ZFYVE1: variants seen among roughly 807,000 people sequenced by gnomAD.
ZFYVE1 encodes zinc finger FYVE domain-containing protein 1.
A neutral mutation model predicts 74.4 loss-of-function variants in ZFYVE1; 30 were observed. The observed-to-expected ratio is 0.40, with a 90% CI of 0.30 to 0.55. The LOEUF is 0.55. Among genes scored for constraint, ZFYVE1 ranks in the 20% least tolerant of loss-of-function variants. The pLI is 0.42. For missense variants in ZFYVE1, 703 were observed against 1,011.6 expected (o/e 0.69, Z 4.14); for synonymous variants, 335 against 385.1 (o/e 0.87, Z 1.52).
chr14:73,023,390 ATGTG>A (rs386381753), intron 2 of ZFYVE1, among the ~76,000 whole-genome samples: 1 of 131,108 alleles, frequency 7.6e-6, no homozygotes, highest in Non-Finnish European at 1.6e-5. Context: ...TATATATTTT[ATGTG>A]TTTTATATAT....
intron 2 of ZFYVE1, among the ~76,000 whole-genome samples, chr14:73,004,396 G>T (rs1309652693): frequency 6.6e-6 from 1 of 152,012 alleles, no homozygotes; most frequent in African/African-American, 2.4e-5. Flanking sequence ...GTGGGGACGG[G>T]GGAACATTTA....
chr14:72,987,997 C>T (rs1893521347), intron 4 of ZFYVE1, among the ~76,000 whole-genome samples: 1 of 152,188 alleles, frequency 6.6e-6, no homozygotes, highest in African/African-American at 2.4e-5. Flanking sequence ...CTCTCACACA[C>T]ACACATATGT....
At chr14:73,020,330 G>A (rs545071125) in intron 2 of ZFYVE1, among the ~76,000 whole-genome samples, 1 of 151,522 alleles carries the variant, frequency 6.6e-6, no homozygotes, top group Non-Finnish European at 1.5e-5. Flanking sequence ...AAGGCATGCA[G>A]TTCACTGTTT....
chr14:73,001,199 T>C (rs1466528391), intron 2 of ZFYVE1, among the ~76,000 whole-genome samples: 1 of 151,400 alleles, frequency 6.6e-6, no homozygotes, highest in African/African-American at 2.4e-5. Context: ...TTTTTCACTA[T>C]ACTATTTCCC....
intron 2 of ZFYVE1, among the ~76,000 whole-genome samples, chr14:73,014,738 C>T (rs993931844): frequency 6.6e-6 from 1 of 152,168 alleles, no homozygotes; most frequent in African/African-American, 2.4e-5. Context: ...ATCTACTGAC[C>T]AGAATGAAGT....
At chr14:73,026,713 C>G (rs943367507) in intron 1 of ZFYVE1, among the ~76,000 whole-genome samples, 1 of 151,876 alleles carries the variant, frequency 6.6e-6, no homozygotes, top group East Asian at 1.9e-4. Flanking sequence ...GGGGCAGGAG[C>G]GGAGCCTAAG....
intron 2 of ZFYVE1, among the ~76,000 whole-genome samples, chr14:73,023,343 A>ATATATAATATATATTATATATGTTT (rs1894378036): frequency 2.0e-5 from 2 of 101,268 alleles, no homozygotes; most frequent in East Asian, 2.3e-4. Context: ...TATATGTTTT[A>ATATATAATATATATTATATATGTTT]TATATAATAT....
chr14:73,023,979 C>A, intron 2 of ZFYVE1, 47 bp downstream of exon 2: 1 of 1,577,780 alleles, frequency 6.3e-7, no homozygotes, highest in Non-Finnish European at 8.6e-7. Flanking sequence ...CTTCCAACAA[C>A]AGATCTGCTC....
In ZFYVE1 at chr14:72,997,923, G is replaced by A. The variant is rs757753961; in HGVS notation, c.876C>T (p.Thr292=). Residue 292 remains threonine (T), a synonymous_variant, in exon 3 of 12, where the codon ACC becomes ACT. Transcript: ENST00000556143. ...DASEAYLKHF[T]KELKATTARC... is the part of the protein sequence containing the mutation. ...GAGCAGTGGTGGCCTTGAGCTCCTT[G>A]GTGAAGTGCTTCAGATAAGCTTCTG... 3 of 1,614,142 alleles carry A rather than the reference G, an allele frequency of 1.9e-6. No individual in the cohort carries two copies. The highest frequency in any genetic ancestry group is 1.1e-5 in the South Asian group (1 of 91,068).
intron 2 of ZFYVE1, among the ~76,000 whole-genome samples, chr14:73,023,305 ATATATG>A (rs1567366820): frequency 1.2e-4 from 10 of 86,044 alleles, no homozygotes; most frequent in Admixed American, 2.4e-4. Flanking sequence ...AATATATATT[ATATATG>A]TTTTATATAT....
rs534597906 is a variant in ZFYVE1 at position 72,990,759 on chromosome 14, G to A, written c.1203+2384C>T. Among the ~76,000 whole-genome samples the A allele has an allele frequency of 2.5e-3, 343 of 135,842 alleles. 1 individual carries two copies. The highest frequency in any genetic ancestry group is 3.5e-3 in the Non-Finnish European group (227 of 64,690). 89.1% of individuals were successfully genotyped at this position (135,842 alleles called of 152,430 possible). On this transcript the variant is annotated intron_variant, in intron 4 of 11. Coordinates refer to ENST00000556143, the MANE Select transcript of ZFYVE1 (RefSeq NM_021260.4). The stretch of plus-strand genomic sequence containing the variant: ...GTTGCCTGGGCTAGAGTACAGTGGC[G>A]CACTGTACTCGGCCCACTGCAACCT...
At chr14:72,971,142 C>T in intron 11 of ZFYVE1, 28 bp from the exon 12 acceptor site, 10 of 1,612,402 alleles carry the variant, frequency 6.2e-6, no homozygotes, top group Non-Finnish European at 8.5e-6. Flanking sequence ...GGTCAGGGCA[C>T]CCAAAGCCCA....
chr14:72,992,711 T>C (rs1323997961), intron 4 of ZFYVE1, among the ~76,000 whole-genome samples: 1 of 147,078 alleles, frequency 6.8e-6, no homozygotes, highest in African/African-American at 2.5e-5. Context: ...CAAAAAACAA[T>C]TTCTACCTGT....
At chr14:72,974,640 A>G in intron 10 of ZFYVE1, 139 bp downstream of exon 10, 1 of 1,112,104 alleles carries the variant, frequency 9.0e-7, no homozygotes, top group Admixed American at 2.8e-5. Flanking sequence ...CAAGGAGCTT[A>G]GAGGCTGACT....
intron 3 of ZFYVE1, among the ~76,000 whole-genome samples, chr14:72,995,255 C>T (rs1350041020): frequency 1.3e-5 from 2 of 152,080 alleles, no homozygotes; most frequent in Non-Finnish European, 2.9e-5. Flanking sequence ...CCACCATACA[C>T]TTGACTAATT....
At chr14:73,019,818 G>A (rs993528768) in intron 2 of ZFYVE1, among the ~76,000 whole-genome samples, 1 of 152,062 alleles carries the variant, frequency 6.6e-6, no homozygotes, top group African/African-American at 2.4e-5. Context: ...CAGGCGTGGT[G>A]GTGGTGCCTA....
intron 4 of ZFYVE1, among the ~76,000 whole-genome samples, chr14:72,992,155 C>T (rs1197737508): frequency 3.3e-5 from 5 of 152,082 alleles, no homozygotes; most frequent in African/African-American, 9.7e-5. Context: ...GTGATCCACC[C>T]GCCTCGGCCT....
intron 2 of ZFYVE1, among the ~76,000 whole-genome samples, chr14:73,016,505 C>T (rs982443835): frequency 1.4e-5 from 2 of 142,204 alleles, no homozygotes; most frequent in Non-Finnish European, 3.0e-5. Context: ...GTGCAAGATT[C>T]CGTCTCAAAT....
intron 4 of ZFYVE1, among the ~76,000 whole-genome samples, chr14:72,988,230 A>G (rs1488125640): frequency 1.4e-5 from 2 of 144,778 alleles, no homozygotes; most frequent in Admixed American, 1.4e-4. Flanking sequence ...GCTAGAGTGT[A>G]GTGGCACAAT....
Sources: allele counts gnomAD v4.1 joint callset (sites outside exome capture counted in the v4.1 genomes callset), GRCh38; gene constraint gnomAD v4.1.1; transcripts MANE v1.5; gene names NCBI Gene and HGNC (gene_info 2026-07-23, HGNC 2026-07-21).